TRAPPC8: variants seen among roughly 807,000 people sequenced by gnomAD.
TRAPPC8 encodes the protein general sporulation gene 1 homolog.
TRAPPC8 carries 54 observed loss-of-function variants against 174.3 expected under a neutral mutation model. The observed-to-expected ratio is 0.31, with a 90% CI of 0.25 to 0.39. TRAPPC8 has a LOEUF of 0.39. Among genes scored for constraint, TRAPPC8 ranks in the 10% least tolerant of loss-of-function variants. The probability of loss-of-function intolerance (pLI) is 1.00; values close to 1 mark genes in which losing one functional copy is unlikely to be tolerated. For synonymous variants in TRAPPC8, 630 were observed against 579.9 expected (o/e 1.09, Z -1.24); for missense variants, 1,531 against 1,699.1 (o/e 0.90, Z 1.74).
intron 12 of TRAPPC8, among the ~76,000 whole-genome samples, chr18:31,885,262 A>G (rs957670184): frequency 2.0e-5 from 3 of 152,212 alleles, no homozygotes; most frequent in Non-Finnish European, 2.9e-5. Context: ...TCTTCTGTAT[A>G]TTCCTACAAA....
chr18:31,870,229 A>C, intron 16 of TRAPPC8, 143 bp downstream of exon 16: 3 of 629,516 alleles, frequency 4.8e-6, no homozygotes, highest in South Asian at 5.0e-5. Context: ...TTTCAAAAAT[A>C]AGTACATATC....
At chr18:31,892,022 A>G (rs1372285739) in intron 11 of TRAPPC8, among the ~76,000 whole-genome samples, 1 of 152,232 alleles carries the variant, frequency 6.6e-6, no homozygotes, top group Non-Finnish European at 1.5e-5. Context: ...GAAATATGTA[A>G]TTAATGAGTG....
chr18:31,897,856 C>T lies in TRAPPC8; in HGVS notation c.1526G>A (p.Ser509Asn), dbSNP rs749413079. The T allele has an allele frequency of 3.7e-6, 6 of 1,611,430 alleles. 1 individual carries two copies. In the South Asian group the frequency reaches 5.5e-5, roughly 15 times the overall value. ...GCTTTGGCTTTTTAAAAGTTCAGCA[C>T]TAAGCAACACACATCTTTCAGCCAA... ...MVLAERCVLL[S>N]AELLKSQSKY... The change falls in exon 11 of 29, where the codon AGT becomes AAT. Residue 509 changes from serine (S) to asparagine (N), a missense_variant. Coordinates refer to ENST00000283351, the MANE Select transcript of TRAPPC8 (RefSeq NM_014939.5).
At chr18:31,886,350 A>AGT in intron 12 of TRAPPC8, among the ~76,000 whole-genome samples, 1 of 148,448 alleles carries the variant, frequency 6.7e-6, no homozygotes, top group African/African-American at 2.5e-5. Context: ...TTGAGGAAAA[A>AGT]AAAAAAAAAA....
At chr18:31,877,661 G>A (rs1264407945) in intron 12 of TRAPPC8, among the ~76,000 whole-genome samples, 3 of 144,542 alleles carry the variant, frequency 2.1e-5, no homozygotes, top group Non-Finnish European at 3.0e-5. Flanking sequence ...GGTGGCTCAC[G>A]CCTATAATCC....
At chr18:31,875,596 G>A (rs2035103391) in intron 12 of TRAPPC8, among the ~76,000 whole-genome samples, 1 of 152,178 alleles carries the variant, frequency 6.6e-6, no homozygotes, top group Non-Finnish European at 1.5e-5. Flanking sequence ...CCTTTTCAAG[G>A]TGCTGTTGGC....
At chr18:31,909,337 T>G (rs1407854750) in intron 6 of TRAPPC8, among the ~76,000 whole-genome samples, 1 of 151,846 alleles carries the variant, frequency 6.6e-6, no homozygotes, top group African/African-American at 2.4e-5. Flanking sequence ...CAAAAAAAAT[T>G]TGTTATCATT....
intron 2 of TRAPPC8, among the ~76,000 whole-genome samples, chr18:31,924,866 T>C (rs1169842306): frequency 6.6e-6 from 1 of 151,290 alleles, no homozygotes; most frequent in Non-Finnish European, 1.5e-5. Context: ...GATCTGAGAA[T>C]GCAAGTAATA....
chr18:31,845,725 A>G (rs1042086390), intron 26 of TRAPPC8, among the ~76,000 whole-genome samples: 3 of 152,174 alleles, frequency 2.0e-5, no homozygotes, highest in African/African-American at 4.8e-5. Flanking sequence ...AAATTATTTC[A>G]TAATAAAAAG....
At chr18:31,887,646 CAAAAAAA>C (rs34562657) in intron 12 of TRAPPC8, among the ~76,000 whole-genome samples, 7 of 98,356 alleles carry the variant, frequency 7.1e-5, no homozygotes, top group African/African-American at 2.8e-4. Context: ...AACTCCATCT[CAAAAAAA>C]AAAAAAAAAA....
chr18:31,902,959 G>A (rs2036500526), intron 9 of TRAPPC8, among the ~76,000 whole-genome samples: 1 of 151,434 alleles, frequency 6.6e-6, no homozygotes, highest in African/African-American at 2.4e-5. Context: ...TGAGGCAGGA[G>A]AATGGCGTGA....
chr18:31,880,122 T>TATATATATATA (rs1491572903), intron 12 of TRAPPC8, among the ~76,000 whole-genome samples: 92 of 65,856 alleles, frequency 1.4e-3, no homozygotes, highest in Non-Finnish European at 2.0e-3. Context: ...TATATATATA[T>TATATATATATA]TTTTTTTTTT....
intron 2 of TRAPPC8, among the ~76,000 whole-genome samples, chr18:31,918,875 A>G (rs575267182): frequency 1.3e-5 from 2 of 152,296 alleles, no homozygotes; most frequent in East Asian, 3.9e-4. Context: ...TTTTAAGCAG[A>G]TTATCTATAT....
intron 24 of TRAPPC8, 142 bp downstream of exon 24, chr18:31,852,304 G>A: frequency 1.2e-6 from 1 of 833,688 alleles, no homozygotes; most frequent in Non-Finnish European, 1.9e-6. Flanking sequence ...TCACGCCACT[G>A]TACTCCTGGG....
intron 25 of TRAPPC8, among the ~76,000 whole-genome samples, chr18:31,849,207 C>CA (rs1393106019): frequency 6.6e-6 from 1 of 152,010 alleles, no homozygotes; most frequent in East Asian, 1.9e-4. Context: ...ATATGAATAA[C>CA]AAAAAATTAA....
chr18:31,929,812 ATAAC>A (rs1024873341), intron 2 of TRAPPC8, among the ~76,000 whole-genome samples: 2 of 152,230 alleles, frequency 1.3e-5, no homozygotes, highest in African/African-American at 4.8e-5. Flanking sequence ...TGAGAGAAAA[ATAAC>A]AGTTCAAATT....
At chr18:31,908,618 A>G (rs1042975877) in intron 7 of TRAPPC8, 136 bp downstream of exon 7, 1 of 1,001,256 alleles carries the variant, frequency 1.0e-6, no homozygotes, top group African/African-American at 1.6e-5. Context: ...TTCATCATTG[A>G]TAGTAATTTT....
At chr18:31,942,206 T>G (rs2038375103) in intron 1 of TRAPPC8, among the ~76,000 whole-genome samples, 2 of 152,378 alleles carry the variant, frequency 1.3e-5, no homozygotes, top group South Asian at 2.1e-4. Context: ...CAAGGGAGGA[T>G]GACAGGTCTT....
intron 12 of TRAPPC8, among the ~76,000 whole-genome samples, chr18:31,882,827 G>A (rs1370164338): frequency 6.6e-6 from 1 of 150,960 alleles, no homozygotes; most frequent in Non-Finnish European, 1.5e-5. Context: ...ATGTTGGCCA[G>A]GCTGGTCTCG....
Sources: allele counts gnomAD v4.1 joint callset (sites outside exome capture counted in the v4.1 genomes callset), GRCh38; gene constraint gnomAD v4.1.1; transcripts MANE v1.5; gene names NCBI Gene and HGNC (gene_info 2026-07-23, HGNC 2026-07-21).